The following DYNC1LI1 variants were observed in gnomAD, a reference collection of about 807,000 sequenced individuals.
DYNC1LI1 encodes the protein dynein cytoplasmic 1 light intermediate chain 1.
Under a neutral mutation model 63.8 loss-of-function variants are expected in DYNC1LI1, and 19 were observed. That is an observed-to-expected ratio of 0.30 (90% CI 0.21 to 0.44). The LOEUF (loss-of-function observed/expected upper bound fraction) is 0.44. Ranked by LOEUF, DYNC1LI1 falls within the 20% of genes least tolerant of loss-of-function variation. The pLI is 1.00. For synonymous variants in DYNC1LI1, 225 were observed against 232.3 expected, an observed-to-expected ratio of 0.97 and a Z score of 0.28; for missense variants, 565 against 630.2, an observed-to-expected ratio of 0.90 and a Z score of 1.11.
chr3:32,543,402 T>C (rs4955300), intron 4 of DYNC1LI1, among the ~76,000 whole-genome samples: 5 of 147,024 alleles, frequency 3.4e-5, no homozygotes, highest in Non-Finnish European at 6.0e-5. Context: ...TCCTTTCTTT[T>C]TTTTTTTTTT....
chr3:32,567,531 T>TTTATTA (rs71295031), intron 2 of DYNC1LI1, among the ~76,000 whole-genome samples: 54 of 148,114 alleles, frequency 3.6e-4, no homozygotes, highest in East Asian at 5.9e-4. Flanking sequence ...TTTTATTTTA[T>TTTATTA]TTATTATTAT....
chr3:32,555,151 G>A (rs2125442439), intron 2 of DYNC1LI1, among the ~76,000 whole-genome samples: 1 of 152,260 alleles, frequency 6.6e-6, no homozygotes, highest in South Asian at 2.1e-4. Context: ...ATTATGGCAT[G>A]AGCCACCTCA....
Position 32,570,335 on chromosome 3 carries a change from G to A in DYNC1LI1, c.220+11C>T, listed in dbSNP as rs757791126. ...GGCCGGGCGGGGCGGGGCGAGGCAG[G>A]GAACACTTACCCAGCAGTAGCACGT... On this transcript the variant is annotated intron_variant, in intron 2 of 12. Coordinates refer to ENST00000273130, the MANE Select transcript of DYNC1LI1 (RefSeq NM_016141.4). 2.5e-6 allele frequency: 4 copies of A among 1,592,022 alleles called. No homozygotes were observed. Among genetic ancestry groups the A allele is most frequent in the South Asian group, 1.1e-5 (1 of 88,168 alleles).
intron 2 of DYNC1LI1, among the ~76,000 whole-genome samples, chr3:32,561,446 G>A (rs1251842051): frequency 1.3e-5 from 2 of 151,302 alleles, no homozygotes; most frequent in African/African-American, 4.9e-5. Flanking sequence ...GGCTAACACA[G>A]CGAAACCCCG....
At chr3:32,570,563 C>A in intron 1 of DYNC1LI1, 62 bp downstream of exon 1, 1 of 1,529,610 alleles carries the variant, frequency 6.5e-7, no homozygotes, top group Admixed American at 2.0e-5. Flanking sequence ...GCACGGGATC[C>A]CGAGGCGTCC....
intron 5 of DYNC1LI1, among the ~76,000 whole-genome samples, chr3:32,539,029 T>C (rs1379037243): frequency 6.6e-6 from 1 of 152,192 alleles, no homozygotes; most frequent in Non-Finnish European, 1.5e-5. Context: ...ATTTTTCTTT[T>C]GGAAAGTAAG....
At chr3:32,542,068 C>T (rs967519020) in intron 4 of DYNC1LI1, among the ~76,000 whole-genome samples, 2 of 152,056 alleles carry the variant, frequency 1.3e-5, no homozygotes, top group East Asian at 1.9e-4. Context: ...AGAAGGCCAA[C>T]GTATGATTCC....
intron 2 of DYNC1LI1, among the ~76,000 whole-genome samples, chr3:32,553,204 G>A (rs1260237253): frequency 2.0e-5 from 3 of 152,106 alleles, no homozygotes; most frequent in African/African-American, 7.2e-5. Flanking sequence ...GTGTGGTGGT[G>A]CACACCTGTG....
At chr3:32,552,265 A>G (rs981866531) in intron 2 of DYNC1LI1, among the ~76,000 whole-genome samples, 3 of 152,076 alleles carry the variant, frequency 2.0e-5, no homozygotes, top group Admixed American at 6.5e-5. Flanking sequence ...TCTTACAAAC[A>G]AGTATTTACT....
intron 5 of DYNC1LI1, 67 bp downstream of exon 5, chr3:32,540,970 T>C: frequency 7.5e-7 from 1 of 1,325,016 alleles, no homozygotes; most frequent in Non-Finnish European, 1.0e-6. Context: ...CCAAAAAACC[T>C]GGAAAACAAA....
In DYNC1LI1 at chr3:32,544,975, T is replaced by G; in HGVS notation, c.469A>C (p.Thr157Pro). ...MLVVDMSKPW[T>P]ALDSLQKWAS... ...CATTTCTGTAAAGAATCCAAAGCAG[T>G]CCAAGGCTTTGACATGTCAACAACC... Residue 157 changes from threonine to proline, a missense_variant, in exon 4 of 13, where the codon ACT becomes CCT. Physicochemically the swap from Thr to Pro is conservative, Grantham distance 38. Coordinates refer to ENST00000273130, the MANE Select transcript of DYNC1LI1 (RefSeq NM_016141.4). 1 of 1,614,096 alleles carries G rather than the reference T, an allele frequency of 6.2e-7. No individual in the cohort carries two copies. The highest frequency in any genetic ancestry group is 8.5e-7 in the Non-Finnish European group (1 of 1,179,976).
At chr3:32,559,356 T>A (rs533521664) in intron 2 of DYNC1LI1, among the ~76,000 whole-genome samples, 2 of 152,266 alleles carry the variant, frequency 1.3e-5, no homozygotes, top group Admixed American at 1.3e-4. Flanking sequence ...TCCTCCCACT[T>A]CAGCCTCCTG....
intron 2 of DYNC1LI1, among the ~76,000 whole-genome samples, chr3:32,547,513 G>A (rs2125438987): frequency 6.6e-6 from 1 of 152,182 alleles, no homozygotes; most frequent in African/African-American, 2.4e-5. Flanking sequence ...TCTGAATGCT[G>A]CCACAAGATT....
At chr3:32,540,794 A>G (rs1377373022) in intron 5 of DYNC1LI1, among the ~76,000 whole-genome samples, 2 of 152,218 alleles carry the variant, frequency 1.3e-5, no homozygotes, top group African/African-American at 4.8e-5. Flanking sequence ...ATGAAGTTCA[A>G]TTGGAATTAT....
chr3:32,566,929 C>G (rs2125447224), intron 2 of DYNC1LI1, among the ~76,000 whole-genome samples: 1 of 152,126 alleles, frequency 6.6e-6, no homozygotes, highest in East Asian at 1.9e-4. Flanking sequence ...TTCTCAAAAC[C>G]TTTCAAGAAA....
At chr3:32,553,317 C>T (rs1261445978) in intron 2 of DYNC1LI1, among the ~76,000 whole-genome samples, 1 of 152,100 alleles carries the variant, frequency 6.6e-6, no homozygotes, top group African/African-American at 2.4e-5. Context: ...GCCCGGGAAG[C>T]AGAGTGAGAC....
chr3:32,560,846 T>C (rs1478230316), intron 2 of DYNC1LI1, among the ~76,000 whole-genome samples: 1 of 149,432 alleles, frequency 6.7e-6, no homozygotes, highest in Admixed American at 6.7e-5. Flanking sequence ...CTACTAAAAA[T>C]ACAAAATTAG....
chr3:32,548,746 T>G (rs1697993047), intron 2 of DYNC1LI1, among the ~76,000 whole-genome samples: 1 of 152,190 alleles, frequency 6.6e-6, no homozygotes, highest in Non-Finnish European at 1.5e-5. Flanking sequence ...TAGATTTAAG[T>G]GTTCTCACAA....
chr3:32,545,518 A>G, intron 3 of DYNC1LI1: 1 of 341,138 alleles, frequency 2.9e-6, no homozygotes, highest in East Asian at 7.3e-5. Flanking sequence ...AGCTGAGTAG[A>G]TAATATTTTT....
Sources: allele counts gnomAD v4.1 joint callset (sites outside exome capture counted in the v4.1 genomes callset), GRCh38; gene constraint gnomAD v4.1.1; transcripts MANE v1.5; gene names NCBI Gene and HGNC (gene_info 2026-07-23, HGNC 2026-07-21).